Variants in HUNK observed in about 807,000 individuals in gnomAD.
HUNK encodes hormonally up-regulated Neu-associated kinase.
Under a neutral mutation model 61.0 loss-of-function variants are expected in HUNK, and 21 were observed. That is an observed-to-expected ratio of 0.34 (90% CI 0.24 to 0.50). HUNK has a LOEUF of 0.50. Ranked by LOEUF, HUNK falls within the 20% of genes least tolerant of loss-of-function variation. The pLI, the probability that HUNK is intolerant of heterozygous loss-of-function variation, is 0.98. For missense variants in HUNK, 772 were observed against 945.7 expected (o/e 0.82, Z 2.41); for synonymous variants, 371 against 386.1 (o/e 0.96, Z 0.46).
rs758949628 is a variant in HUNK, at chr21:31,995,960, C to T, written c.1486+12C>T. 3 of 1,606,630 alleles carry T rather than the reference C, an allele frequency of 1.9e-6. No homozygotes were observed. The highest frequency in any genetic ancestry group is 2.7e-5 in the African/African-American group (2 of 74,654). ...CTTCCCCGACAAAGGTGGGTCAGCT[C>T]TGGGGACTCTCTCAGGCCACTCGTG... is the stretch of plus-strand genomic sequence containing the variant. On this transcript the variant is annotated intron_variant, in intron 10 of 10. Coordinates refer to ENST00000270112, the MANE Select transcript of HUNK (RefSeq NM_014586.2).
At chr21:31,945,933 A>G in intron 3 of HUNK, 103 bp from the exon 4 acceptor site, 1 of 1,124,304 alleles carries the variant, frequency 8.9e-7, no homozygotes, top group South Asian at 1.6e-5. Context: ...GCCTGAGAGA[A>G]TGTTTCCTTT....
intron 1 of HUNK, among the ~76,000 whole-genome samples, chr21:31,895,574 A>T (rs926657172): frequency 8.5e-5 from 13 of 152,176 alleles, no homozygotes; most frequent in African/African-American, 2.9e-4. Flanking sequence ...AGGCCCATCC[A>T]TCTCTGTGTG....
At chr21:31,922,608 CGAGCCA>C (rs1568926021) in intron 1 of HUNK, among the ~76,000 whole-genome samples, 1 of 152,140 alleles carries the variant, frequency 6.6e-6, no homozygotes, top group African/African-American at 2.4e-5. Flanking sequence ...ATTACAGGCA[CGAGCCA>C]CCACGCCCGG....
At chr21:31,904,885 A>ATCC (rs1312463056) in intron 1 of HUNK, among the ~76,000 whole-genome samples, 1 of 152,260 alleles carries the variant, frequency 6.6e-6, no homozygotes, top group East Asian at 1.9e-4. Context: ...TGAGGTCAGG[A>ATCC]GTTTGAGACC....
chr21:31,937,169 A>G (rs1293515879), intron 2 of HUNK, among the ~76,000 whole-genome samples: 1 of 152,256 alleles, frequency 6.6e-6, no homozygotes, highest in African/African-American at 2.4e-5. Context: ...TCAGAAAAGA[A>G]GAAGTGCCTT....
intron 6 of HUNK, among the ~76,000 whole-genome samples, chr21:31,968,808 TGTGTC>T (rs1378052167): frequency 6.8e-6 from 1 of 147,716 alleles, no homozygotes; most frequent in Non-Finnish European, 1.5e-5. Flanking sequence ...GCATGGGTGT[TGTGTC>T]TGTGTGTGTG....
chr21:31,915,218 A>G (rs754696702), intron 1 of HUNK, among the ~76,000 whole-genome samples: 2 of 152,162 alleles, frequency 1.3e-5, no homozygotes, highest in Non-Finnish European at 2.9e-5. Flanking sequence ...GAGATGTTCA[A>G]CCTGCATACA....
chr21:31,874,323 C>G (rs2052242191), intron 1 of HUNK, among the ~76,000 whole-genome samples: 1 of 87,318 alleles, frequency 1.1e-5, no homozygotes, highest in Non-Finnish European at 2.3e-5. Flanking sequence ...GAGGTGGGCT[C>G]TTATGTCGGG....
intron 8 of HUNK, among the ~76,000 whole-genome samples, chr21:31,989,358 A>G (rs1568942669): frequency 1.3e-5 from 2 of 152,342 alleles, no homozygotes; most frequent in South Asian, 4.1e-4. Flanking sequence ...TTCAAAATCT[A>G]TATAACTTTA....
intron 1 of HUNK, among the ~76,000 whole-genome samples, chr21:31,888,459 T>A (rs1306054950): frequency 0.018 from 2 of 110 alleles, no homozygotes; most frequent in Admixed American, 0.062. Flanking sequence ...TGTGTTAGGC[T>A]GGACGCAGTG....
chr21:31,956,541 C>G (rs1385336707), intron 4 of HUNK, among the ~76,000 whole-genome samples: 1 of 152,190 alleles, frequency 6.6e-6, no homozygotes, highest in Non-Finnish European at 1.5e-5. Context: ...ATAGTACGTT[C>G]TCAAATATAT....
intron 2 of HUNK, among the ~76,000 whole-genome samples, chr21:31,927,095 C>T (rs1228316123): frequency 6.6e-6 from 1 of 151,602 alleles, no homozygotes; most frequent in Non-Finnish European, 1.5e-5. Flanking sequence ...GACTGGAGTG[C>T]AGTGGCACAA....
intron 1 of HUNK, among the ~76,000 whole-genome samples, chr21:31,909,133 C>A (rs1228691799): frequency 2.6e-5 from 4 of 152,186 alleles, no homozygotes; most frequent in Non-Finnish European, 5.9e-5. Context: ...ATAATAAATG[C>A]ATCTTGGACA....
chr21:31,995,641 A>G (rs1334180828), intron 9 of HUNK, 127 bp from the exon 10 acceptor site: 1 of 777,424 alleles, frequency 1.3e-6, no homozygotes, highest in African/African-American at 1.7e-5. Context: ...CATTCAACAC[A>G]CAGTTGAGAG....
intron 5 of HUNK, among the ~76,000 whole-genome samples, chr21:31,967,882 G>A (rs1305611894): frequency 1.3e-5 from 2 of 152,190 alleles, no homozygotes; most frequent in East Asian, 3.8e-4. Flanking sequence ...TGAGCAACAA[G>A]AAAAGACCAC....
Position 31,873,962 on chromosome 21 carries a change from G to T in HUNK, c.261+27G>T. ...TGAGTCTCCCGGGCGCCGTGGGGCT[G>T]GGGCACAGGGGCGGGAGTCGGCGGC... On this transcript the variant is annotated intron_variant, in intron 1 of 10. Transcript: ENST00000270112. The surrounding 1 kb of genome is among the most constrained non-coding windows in gnomAD (Gnocchi z 6.1). The T allele has an allele frequency of 6.9e-7, 1 of 1,451,604 alleles. No homozygotes were observed. The highest frequency in any genetic ancestry group is 1.4e-5 in the South Asian group (1 of 71,718). 89.9% of individuals were successfully genotyped at this position (1,451,604 alleles called of 1,614,324 possible).
chr21:31,964,104 C>T (rs910077025), intron 5 of HUNK, among the ~76,000 whole-genome samples: 21 of 152,278 alleles, frequency 1.4e-4, no homozygotes, highest in Admixed American at 2.6e-4. Context: ...TTCATCACTA[C>T]ACCTCAACAC....
intron 3 of HUNK, among the ~76,000 whole-genome samples, chr21:31,941,172 AGGTGTTGATG>A: frequency 6.6e-6 from 1 of 152,254 alleles, no homozygotes; most frequent in Admixed American, 6.5e-5. Context: ...CACCACTGAT[AGGTGTTGATG>A]GATACACTTA....
chr21:31,967,688 C>T (rs1020393777), intron 5 of HUNK, among the ~76,000 whole-genome samples: 5 of 152,130 alleles, frequency 3.3e-5, no homozygotes, highest in African/African-American at 1.2e-4. Context: ...GAAAGCAGGA[C>T]CTCTCTGGCC....
Sources: allele counts gnomAD v4.1 joint callset (sites outside exome capture counted in the v4.1 genomes callset), GRCh38; gene constraint gnomAD v4.1.1; non-coding constraint Gnocchi (gnomAD v3.1); transcripts MANE v1.5; gene names NCBI Gene and HGNC (gene_info 2026-07-23, HGNC 2026-07-21).